AK9: variants seen among roughly 807,000 people sequenced by gnomAD.
AK9 encodes the protein adenylate kinase domain containing 1.
AK9 carries 191 observed loss-of-function variants against 239.6 expected under a neutral mutation model. That is an observed-to-expected ratio of 0.80 (90% CI 0.71 to 0.90). The LOEUF (loss-of-function observed/expected upper bound fraction) is 0.90. Among genes scored for constraint, AK9 ranks in the 40% least tolerant of loss-of-function variants. The pLI is 0.00. For missense variants in AK9, 1,995 were observed against 2,214.7 expected (o/e 0.90, Z 1.99); for synonymous variants, 689 against 721.0 (o/e 0.96, Z 0.71).
chr6:109,602,983 T>C (rs1792258276), intron 17 of AK9, among the ~76,000 whole-genome samples: 1 of 152,196 alleles, frequency 6.6e-6, no homozygotes, highest in Non-Finnish European at 1.5e-5. Context: ...CTAATCTTTT[T>C]TCAAGGTTTT....
At chr6:109,616,011 G>A (rs1472607821) in intron 13 of AK9, among the ~76,000 whole-genome samples, 1 of 152,006 alleles carries the variant, frequency 6.6e-6, no homozygotes, top group Non-Finnish European at 1.5e-5. Context: ...CAAGGCCGGA[G>A]GATCACTTGA....
chr6:109,688,658 G>A (rs1033870609), intron 1 of AK9, among the ~76,000 whole-genome samples: 1 of 152,188 alleles, frequency 6.6e-6, no homozygotes, highest in Non-Finnish European at 1.5e-5. Context: ...GATTGACTTG[G>A]GAAATTTGCA....
chr6:109,544,460 C>A (rs888868503), intron 26 of AK9, among the ~76,000 whole-genome samples: 8 of 152,070 alleles, frequency 5.3e-5, no homozygotes, highest in Non-Finnish European at 2.9e-5. Context: ...TGGTTCAGCA[C>A]CATTACCCCC....
intron 2 of AK9, 105 bp downstream of exon 2, chr6:109,675,520 ACACT>A: frequency 3.1e-6 from 2 of 649,596 alleles, no homozygotes; most frequent in Non-Finnish European, 4.9e-6. Flanking sequence ...AGCTTATCAG[ACACT>A]CAAAAAATGA....
chr6:109,606,989 T>A (rs1380107623), intron 17 of AK9, among the ~76,000 whole-genome samples: 1 of 152,182 alleles, frequency 6.6e-6, no homozygotes, highest in Non-Finnish European at 1.5e-5. Flanking sequence ...AAGTAAAATA[T>A]AACCTATTTT....
At chr6:109,518,792 T>A (rs1267232391) in intron 29 of AK9, among the ~76,000 whole-genome samples, 1 of 151,908 alleles carries the variant, frequency 6.6e-6, no homozygotes. Context: ...TACATCTCAA[T>A]TTTTTTTCAA....
chr6:109,586,470 A>G (rs1204462636), intron 17 of AK9, among the ~76,000 whole-genome samples: 1 of 152,092 alleles, frequency 6.6e-6, no homozygotes, highest in East Asian at 1.9e-4. Context: ...ATAATAATAC[A>G]TTTTTGCTAT....
intron 17 of AK9, among the ~76,000 whole-genome samples, chr6:109,599,249 G>A (rs1791550381): frequency 6.6e-6 from 1 of 152,104 alleles, no homozygotes; most frequent in Admixed American, 6.5e-5. Flanking sequence ...ATTAATTTTT[G>A]TATAAGGTGT....
At chr6:109,503,649 C>A (rs1050319845) in intron 35 of AK9, among the ~76,000 whole-genome samples, 2 of 152,202 alleles carry the variant, frequency 1.3e-5, no homozygotes, top group Non-Finnish European at 2.9e-5. Context: ...ACAGGACAGA[C>A]TTCACTGAGA....
intron 24 of AK9, among the ~76,000 whole-genome samples, chr6:109,552,511 G>A (rs1313733747): frequency 1.3e-5 from 2 of 152,134 alleles, no homozygotes; most frequent in Non-Finnish European, 2.9e-5. Flanking sequence ...CTTTTGAGAA[G>A]TGTCTGTTCA....
At chr6:109,495,515 TA>T (rs1399820925) in intron 38 of AK9, 75 bp from the exon 39 acceptor site, 1 of 1,046,168 alleles carries the variant, frequency 9.6e-7, no homozygotes, top group Non-Finnish European at 1.4e-6. Flanking sequence ...GACAAGAGAC[TA>T]TTAGAAGATA....
intron 9 of AK9, among the ~76,000 whole-genome samples, chr6:109,644,265 T>A (rs1046567426): frequency 6.6e-6 from 1 of 152,248 alleles, no homozygotes; most frequent in Non-Finnish European, 1.5e-5. Context: ...TGTTTGTTTT[T>A]ACTTTGGTCA....
intron 29 of AK9, among the ~76,000 whole-genome samples, chr6:109,518,877 T>C (rs949950447): frequency 6.6e-6 from 1 of 152,108 alleles, no homozygotes; most frequent in Non-Finnish European, 1.5e-5. Flanking sequence ...GTATATTGCA[T>C]GATGCTGAAG....
At chr6:109,510,618 T>A (rs1260943364) in intron 32 of AK9, among the ~76,000 whole-genome samples, 1 of 152,198 alleles carries the variant, frequency 6.6e-6, no homozygotes, top group Non-Finnish European at 1.5e-5. Context: ...ACTGGACAGA[T>A]GACCTGCCTA....
chr6:109,597,551 T>C (rs1171852326), intron 17 of AK9, among the ~76,000 whole-genome samples: 3 of 151,972 alleles, frequency 2.0e-5, no homozygotes, highest in African/African-American at 7.3e-5. Flanking sequence ...CGGGCGCCTG[T>C]AGCCCCAGCT....
chr6:109,622,680 TATG>T, intron 12 of AK9, among the ~76,000 whole-genome samples: 1 of 148,632 alleles, frequency 6.7e-6, no homozygotes, highest in African/African-American at 2.5e-5. Flanking sequence ...ATATATGATA[TATG>T]ATAATATGTA....
At chr6:109,649,865 T>C (rs1218529491) in intron 8 of AK9, among the ~76,000 whole-genome samples, 5 of 152,168 alleles carry the variant, frequency 3.3e-5, no homozygotes, top group African/African-American at 1.2e-4. Flanking sequence ...CAAAACAGTG[T>C]GGTACTGGTA....
chr6:109,664,141 C>T (rs1334223204), intron 5 of AK9, among the ~76,000 whole-genome samples: 1 of 152,112 alleles, frequency 6.6e-6, no homozygotes, highest in Non-Finnish European at 1.5e-5. Flanking sequence ...GATTTCTAAA[C>T]AGATATTTTT....
intron 20 of AK9, among the ~76,000 whole-genome samples, chr6:109,579,112 A>C (rs1788495310): frequency 6.6e-6 from 1 of 152,190 alleles, no homozygotes; most frequent in Non-Finnish European, 1.5e-5. Context: ...TGAGTTATAT[A>C]ATGAAGATGG....
Sources: gnomAD v4.1 joint callset for allele counts (sites outside exome capture counted in the v4.1 genomes callset) on GRCh38, gnomAD v4.1.1 for gene constraint, MANE v1.5 for transcripts, NCBI Gene and HGNC (gene_info 2026-07-23, HGNC 2026-07-21) for gene names.